The following FSTL5 variants were observed in gnomAD, a reference collection of about 807,000 sequenced individuals.
The protein encoded by FSTL5 is follistatin-related protein 5.
In FSTL5, 62 loss-of-function variants were observed where a neutral mutation model predicts 89.1. That is an observed-to-expected ratio of 0.70 (90% CI 0.57 to 0.86). FSTL5 has a LOEUF of 0.86. Among genes scored for constraint, FSTL5 ranks in the 40% least tolerant of loss-of-function variants. FSTL5 has a pLI of 0.00. For missense variants in FSTL5, 1,057 were observed against 1,001.6 expected (o/e 1.06, Z -0.75); for synonymous variants, 383 against 346.2 (o/e 1.11, Z -1.18).
chr4:161,883,937 A>G (rs574623313), intron 4 of FSTL5, among the ~76,000 whole-genome samples: 1 of 152,354 alleles, frequency 6.6e-6, no homozygotes, highest in African/African-American at 2.4e-5. Flanking sequence ...TTTTAAAAGA[A>G]AATTTTACAT....
intron 8 of FSTL5, among the ~76,000 whole-genome samples, chr4:161,558,091 A>T (rs1050743561): frequency 6.6e-6 from 1 of 151,976 alleles, no homozygotes; most frequent in Non-Finnish European, 1.5e-5. Context: ...AACAATGCAG[A>T]TGGATATCCA....
At chr4:161,692,776 T>C (rs1737987714) in intron 6 of FSTL5, among the ~76,000 whole-genome samples, 1 of 152,098 alleles carries the variant, frequency 6.6e-6, no homozygotes, top group South Asian at 2.1e-4. Flanking sequence ...CAGGGTGGAG[T>C]GCAGTGGCGC....
intron 15 of FSTL5, among the ~76,000 whole-genome samples, chr4:161,434,603 CAAAGG>C (rs1732490913): frequency 6.6e-6 from 1 of 151,664 alleles, no homozygotes; most frequent in South Asian, 2.1e-4. Flanking sequence ...TTCTGCACAG[CAAAGG>C]AAACAATCAA....
chr4:161,694,092 TTCTC>T (rs35250606), intron 6 of FSTL5, among the ~76,000 whole-genome samples: 42,192 of 151,918 alleles, frequency 0.28, 6,516 homozygotes, highest in Middle Eastern at 0.41. Flanking sequence ...GGTTTATCTG[TTCTC>T]TCTATTGCTT....
At chr4:162,019,583 A>G (rs1361955417) in intron 3 of FSTL5, among the ~76,000 whole-genome samples, 1 of 152,004 alleles carries the variant, frequency 6.6e-6, no homozygotes, top group African/African-American at 2.4e-5. Flanking sequence ...ATATGATTGT[A>G]TAATGGCATT....
In FSTL5 at chr4:161,824,356, G is replaced by T. The variant is rs182512840; in HGVS notation, c.410-48282C>A. On this transcript the variant is annotated intron_variant, in intron 4 of 15. Transcript: ENST00000306100. The stretch of plus-strand genomic sequence containing the variant: ...GCTTTATTTCTGGGTTCTCTATTCT[G>T]TTCCATTGGCCTATGTGCCTATTTT... 8.5e-4 allele frequency among the ~76,000 whole-genome samples: 130 copies of T among 152,242 alleles called. 2 individuals are homozygous for T. The highest frequency in any genetic ancestry group is 3.8e-4 in the Non-Finnish European group (26 of 68,004).
intron 4 of FSTL5, among the ~76,000 whole-genome samples, chr4:161,778,846 G>T (rs1362096875): frequency 3.3e-5 from 5 of 152,188 alleles, no homozygotes; most frequent in Non-Finnish European, 2.9e-5. Flanking sequence ...ATTTATCTGA[G>T]TGCACAGGTG....
chr4:161,758,056 A>G (rs1740639659), intron 6 of FSTL5, among the ~76,000 whole-genome samples: 1 of 152,206 alleles, frequency 6.6e-6, no homozygotes, highest in African/African-American at 2.4e-5. Context: ...AACCATATCC[A>G]AAGAGCGTAT....
At chr4:162,003,863 A>T (rs1371450132) in intron 3 of FSTL5, among the ~76,000 whole-genome samples, 2 of 152,158 alleles carry the variant, frequency 1.3e-5, no homozygotes, top group African/African-American at 4.8e-5. Flanking sequence ...TTCCTCACAA[A>T]TAATATAGAT....
rs545620928 is a variant in FSTL5 at position 161,818,658 on chromosome 4, A to T, written c.410-42584T>A. 1.8e-4 allele frequency among the ~76,000 whole-genome samples: 27 copies of T among 152,326 alleles called. No individual in the cohort carries two copies. In the East Asian group the frequency reaches 3.3e-3, roughly 19 times the overall value. ...CATTGCACGCACTGCGATGGGGACA[A>T]GGGAGCTTTTCCCGTTTCAATAATA... On this transcript the variant is annotated intron_variant, in intron 4 of 15. Coordinates refer to ENST00000306100, the MANE Select transcript of FSTL5 (RefSeq NM_020116.5).
intron 3 of FSTL5, among the ~76,000 whole-genome samples, chr4:161,995,107 G>C (rs1386582504): frequency 6.6e-6 from 1 of 152,106 alleles, no homozygotes; most frequent in Non-Finnish European, 1.5e-5. Flanking sequence ...CATATGGCTA[G>C]CCAGATTTCA....
At chr4:161,947,872 T>C (rs1734778490) in intron 3 of FSTL5, among the ~76,000 whole-genome samples, 1 of 152,162 alleles carries the variant, frequency 6.6e-6, no homozygotes, top group African/African-American at 2.4e-5. Context: ...TGTCTTTCTA[T>C]TTATTTAGGC....
At chr4:161,751,531 T>G (rs1740390481) in intron 6 of FSTL5, among the ~76,000 whole-genome samples, 1 of 152,154 alleles carries the variant, frequency 6.6e-6, no homozygotes, top group South Asian at 2.1e-4. Flanking sequence ...CTCACACTTG[T>G]AATCCCAGCA....
chr4:161,803,018 G>C (rs1309829427), intron 4 of FSTL5, among the ~76,000 whole-genome samples: 1 of 151,844 alleles, frequency 6.6e-6, no homozygotes, highest in African/African-American at 2.4e-5. Context: ...TAGTGTTCTT[G>C]TTTTAAAAAT....
At chr4:162,056,560 A>T (rs756074794) in intron 2 of FSTL5, among the ~76,000 whole-genome samples, 8 of 152,152 alleles carry the variant, frequency 5.3e-5, no homozygotes, top group Non-Finnish European at 1.0e-4. Context: ...AAATACATGA[A>T]TTAAAGCTAT....
intron 6 of FSTL5, among the ~76,000 whole-genome samples, chr4:161,742,029 G>C (rs1740046656): frequency 6.6e-6 from 1 of 152,090 alleles, no homozygotes; most frequent in South Asian, 2.1e-4. Context: ...TGAGTAAACT[G>C]CTGGTACAAA....
chr4:161,627,957 T>C (rs1443643913), intron 7 of FSTL5, among the ~76,000 whole-genome samples: 2 of 152,148 alleles, frequency 1.3e-5, no homozygotes, highest in Non-Finnish European at 2.9e-5. Context: ...TCAAATCCAA[T>C]ACACACAAAA....
rs775900002 is a variant in FSTL5 at position 162,119,169 on chromosome 4, G to A, written c.-16-7757C>T. Among the ~76,000 whole-genome samples the A allele has an allele frequency of 4.3e-4, 65 of 151,632 alleles. 1 individual carries two copies. The highest frequency in any genetic ancestry group is 7.8e-4 in the Non-Finnish European group (53 of 67,990). On this transcript the variant is annotated intron_variant, in intron 1 of 15. Coordinates refer to ENST00000306100, the MANE Select transcript of FSTL5 (RefSeq NM_020116.5). ...GTAAGCCCAGAAGTTTGAGGCTGCAGTGAGCCATGATCATACCATTGCACT... is the reference window on the plus strand; with the variant it reads ...GTAAGCCCAGAAGTTTGAGGCTGCAATGAGCCATGATCATACCATTGCACT...
At chr4:161,721,361 A>T (rs1283644067) in intron 6 of FSTL5, among the ~76,000 whole-genome samples, 5 of 151,268 alleles carry the variant, frequency 3.3e-5, no homozygotes, top group Non-Finnish European at 7.4e-5. Flanking sequence ...AAAAGGTTTT[A>T]AAAATGCTTA....
Sources: gnomAD v4.1 joint callset for allele counts (sites outside exome capture counted in the v4.1 genomes callset) on GRCh38, gnomAD v4.1.1 for gene constraint, MANE v1.5 for transcripts, NCBI Gene and HGNC (gene_info 2026-07-23, HGNC 2026-07-21) for gene names.